SIPA1L3: variants seen among roughly 807,000 people sequenced by gnomAD.
The protein encoded by SIPA1L3 is signal induced proliferation associated 1 like 3.
Under a neutral mutation model 150.1 loss-of-function variants are expected in SIPA1L3, and 59 were observed. The ratio of observed to expected loss-of-function variants is 0.39; its 90% CI spans 0.32 to 0.49. SIPA1L3 has a LOEUF of 0.49. Ranked by LOEUF, SIPA1L3 falls within the 20% of genes least tolerant of loss-of-function variation. SIPA1L3 has a pLI of 0.86. For missense variants in SIPA1L3, 2,211 were observed against 2,489.5 expected, an observed-to-expected ratio of 0.89 and a Z score of 2.38; for synonymous variants, 1,070 against 1,077.6, an observed-to-expected ratio of 0.99 and a Z score of 0.14.
intron 1 of SIPA1L3, among the ~76,000 whole-genome samples, chr19:38,022,562 A>G (rs112397110): frequency 0.033 from 4,745 of 142,272 alleles, 223 homozygotes; most frequent in African/African-American, 0.11. Context: ...ACACAAAAAA[A>G]TCGGGCGTGG....
chr19:38,093,282 A>T (rs1970301448), intron 4 of SIPA1L3, among the ~76,000 whole-genome samples: 1 of 152,188 alleles, frequency 6.6e-6, no homozygotes, highest in South Asian at 2.1e-4. Flanking sequence ...TTCCAGGCAG[A>T]GCGAACAGCC....
chr19:38,195,801 CG>C lies in SIPA1L3; in HGVS notation c.4840+2022del, dbSNP rs61701217. 7.7e-3 allele frequency among the ~76,000 whole-genome samples: 785 copies of C among 102,598 alleles called. 53 individuals carry two copies. Among genetic ancestry groups the C allele is most frequent in the African/African-American group, 0.018 (382 of 20,962 alleles). 67.3% of individuals were successfully genotyped at this position (102,598 alleles called of 152,430 possible). On this transcript the variant is annotated intron_variant, in intron 18 of 21. Transcript: ENST00000222345. ...CACCACCACAGGCCCCGTCCCCCCC[CG>C]CCCCCCCGGGTTTCTCTCACCCCCC...
intron 1 of SIPA1L3, among the ~76,000 whole-genome samples, chr19:37,957,260 G>A (rs1004969622): frequency 1.3e-5 from 2 of 152,154 alleles, no homozygotes; most frequent in African/African-American, 4.8e-5. Context: ...TGGCTTGTGT[G>A]GGTCCTTTGC....
At chr19:38,124,143 G>A (rs1464998812) in intron 9 of SIPA1L3, among the ~76,000 whole-genome samples, 5 of 150,548 alleles carry the variant, frequency 3.3e-5, no homozygotes, top group Non-Finnish European at 5.9e-5. Context: ...CTGCCGGGCG[G>A]AGACGCTCCT....
At position 38,046,300 on chromosome 19, in the gene SIPA1L3, C is replaced by G. The variant is rs999209057; in HGVS notation, c.-311+17144C>G. On this transcript the variant is annotated intron_variant, in intron 2 of 21. Coordinates refer to ENST00000222345, the MANE Select transcript of SIPA1L3 (RefSeq NM_015073.3). This position sits in a 1 kb window ranked among gnomAD's most constrained non-coding sequence, Gnocchi z 5.6. Reference sequence around the variant, plus strand: ...CAGGCCTCTCAAAAGGGACCCCCACCTGCTGCCCGCAAAGATGGCCTCATT... The same window carrying G: ...CAGGCCTCTCAAAAGGGACCCCCACGTGCTGCCCGCAAAGATGGCCTCATT... Among the ~76,000 whole-genome samples, 1 of 152,140 alleles carries G rather than the reference C, an allele frequency of 6.6e-6. No individual in the cohort carries two copies. The highest frequency in any genetic ancestry group is 2.4e-5 in the African/African-American group (1 of 41,456).
At chr19:38,091,652 C>T (rs1169445319) in intron 4 of SIPA1L3, among the ~76,000 whole-genome samples, 4 of 152,190 alleles carry the variant, frequency 2.6e-5, no homozygotes, top group Non-Finnish European at 5.9e-5. Flanking sequence ...CTGGCCGCCG[C>T]ACTCGGCTGC....
chr19:37,943,173 C>A (rs2046678165), intron 1 of SIPA1L3, among the ~76,000 whole-genome samples: 1 of 151,884 alleles, frequency 6.6e-6, no homozygotes, highest in Non-Finnish European at 1.5e-5. Flanking sequence ...CTCTGCCTGG[C>A]CAAGAGCTGA....
chr19:38,167,572 T>G (rs964219423), intron 15 of SIPA1L3, among the ~76,000 whole-genome samples: 1 of 152,154 alleles, frequency 6.6e-6, no homozygotes, highest in Non-Finnish European at 1.5e-5. Flanking sequence ...AGTGGCTGTT[T>G]GTTTTTTAGA....
chr19:38,117,921 G>T (rs12974668), intron 8 of SIPA1L3, among the ~76,000 whole-genome samples: 1 of 151,986 alleles, frequency 6.6e-6, no homozygotes, highest in Non-Finnish European at 1.5e-5. Context: ...GAGTAGCTGG[G>T]ACTACAGGCC....
At chr19:37,995,228 T>C (rs1967607641) in intron 1 of SIPA1L3, among the ~76,000 whole-genome samples, 1 of 152,174 alleles carries the variant, frequency 6.6e-6, no homozygotes, top group Non-Finnish European at 1.5e-5. Flanking sequence ...AGCACATGTC[T>C]GTACCGTGAG....
At chr19:38,140,694 C>T (rs1261334078) in intron 10 of SIPA1L3, among the ~76,000 whole-genome samples, 3 of 152,046 alleles carry the variant, frequency 2.0e-5, no homozygotes, top group Admixed American at 1.3e-4. Context: ...TGTTGGGTCC[C>T]GTCCTGGTTG....
chr19:37,927,795 T>G (rs2046519786), intron 1 of SIPA1L3, among the ~76,000 whole-genome samples: 1 of 152,024 alleles, frequency 6.6e-6, no homozygotes, highest in Non-Finnish European at 1.5e-5. Context: ...GAACATTGGA[T>G]ATTTGGTTTT....
chr19:38,122,841 AG>A (rs1466026437), intron 9 of SIPA1L3, among the ~76,000 whole-genome samples: 1 of 151,978 alleles, frequency 6.6e-6, no homozygotes, highest in African/African-American at 2.4e-5. Flanking sequence ...TTCCTCCTAC[AG>A]GCCTTTGGTC....
At position 37,925,655 on chromosome 19, in the gene SIPA1L3, C is replaced by A. The variant is rs1361346769; in HGVS notation, c.-379+18297C>A. On this transcript the variant is annotated intron_variant, in intron 1 of 21. Transcript: ENST00000222345. ...TGTTGCCAGGCTGGAGTGCAATGGC[C>A]CAATCTTGGCTCGCTGCAAGCTCCG... Among the ~76,000 whole-genome samples the A allele has an allele frequency of 5.4e-5, 8 of 147,790 alleles. No homozygotes were observed. In the East Asian group the frequency reaches 1.4e-3, roughly 25 times the overall value.
chr19:38,075,363 G>A (rs1969814988), intron 2 of SIPA1L3, among the ~76,000 whole-genome samples: 1 of 152,196 alleles, frequency 6.6e-6, no homozygotes, highest in African/African-American at 2.4e-5. Context: ...GGCTGAGGCA[G>A]GAGAATCGCT....
intron 20 of SIPA1L3, among the ~76,000 whole-genome samples, chr19:38,203,157 G>A (rs917913180): frequency 2.0e-5 from 3 of 152,214 alleles, no homozygotes; most frequent in Non-Finnish European, 2.9e-5. Flanking sequence ...CCTCCACCAC[G>A]AACGTAGGCC....
chr19:38,175,541 G>A (rs1266218096), intron 15 of SIPA1L3, among the ~76,000 whole-genome samples: 1 of 152,126 alleles, frequency 6.6e-6, no homozygotes, highest in Admixed American at 6.6e-5. Flanking sequence ...CTCTCTGGTT[G>A]AAGGTGAGGA....
intron 2 of SIPA1L3, among the ~76,000 whole-genome samples, chr19:38,049,174 C>T (rs562310993): frequency 1.5e-4 from 23 of 152,254 alleles, no homozygotes; most frequent in South Asian, 2.1e-4. Flanking sequence ...GGTGTCTCCT[C>T]CCTTGTCACT....
intron 1 of SIPA1L3, among the ~76,000 whole-genome samples, chr19:37,920,285 T>G (rs1390193022): frequency 6.6e-6 from 1 of 152,052 alleles, no homozygotes; most frequent in Non-Finnish European, 1.5e-5. Context: ...TCTTGAACTC[T>G]TGGACTCAAG....
Sources: allele counts gnomAD v4.1 joint callset (sites outside exome capture counted in the v4.1 genomes callset), GRCh38; gene constraint gnomAD v4.1.1; non-coding constraint Gnocchi (gnomAD v3.1); transcripts MANE v1.5; gene names NCBI Gene and HGNC (gene_info 2026-07-23, HGNC 2026-07-21).